RSBN1: variants seen among roughly 807,000 people sequenced by gnomAD.
RSBN1 encodes the protein lysine-specific demethylase 9.
RSBN1 carries 23 observed loss-of-function variants against 74.8 expected under a neutral mutation model. The ratio of observed to expected loss-of-function variants is 0.31; its 90% CI spans 0.22 to 0.44. The LOEUF is 0.44. Among genes scored for constraint, RSBN1 ranks in the 20% least tolerant of loss-of-function variants. The pLI, the probability that RSBN1 is intolerant of heterozygous loss-of-function variation, is 1.00. For synonymous variants in RSBN1, 407 were observed against 379.6 expected, an observed-to-expected ratio of 1.07 and a Z score of -0.84; for missense variants, 808 against 1,020.9, an observed-to-expected ratio of 0.79 and a Z score of 2.84.
At chr1:113,780,919 T>C (rs1355304442) in intron 2 of RSBN1, among the ~76,000 whole-genome samples, 1 of 152,230 alleles carries the variant, frequency 6.6e-6, no homozygotes, top group Non-Finnish European at 1.5e-5. Flanking sequence ...TTTACTTACA[T>C]GAAATTAGAC....
intron 6 of RSBN1, 48 bp downstream of exon 6, chr1:113,767,050 AG>A: frequency 1.9e-6 from 2 of 1,041,630 alleles, no homozygotes; most frequent in Non-Finnish European, 2.9e-6. Flanking sequence ...AAATGGGTAT[AG>A]ATATTTACTT....
At chr1:113,798,237 T>A (rs1309629853) in intron 1 of RSBN1, among the ~76,000 whole-genome samples, 1 of 152,094 alleles carries the variant, frequency 6.6e-6, no homozygotes, top group Non-Finnish European at 1.5e-5. Flanking sequence ...AAATTGAAGG[T>A]ATCCATTTTT....
chr1:113,810,406 C>T (rs1217838708), intron 1 of RSBN1, among the ~76,000 whole-genome samples: 2 of 151,832 alleles, frequency 1.3e-5, no homozygotes, highest in African/African-American at 4.8e-5. Flanking sequence ...CACACACACA[C>T]ACACACACAA....
rs372434083 is a variant in RSBN1 at position 113,762,634 on chromosome 1, G to A, written c.*3346C>T. ...TGGCAAATACAGATGAAAATATAAT[G>A]GGCTAATTTATTAATGATTAAGAAT... is the stretch of plus-strand genomic sequence containing the variant. On this transcript the variant is annotated 3_prime_UTR_variant, in exon 7 of 7. Coordinates refer to ENST00000261441, the MANE Select transcript of RSBN1 (RefSeq NM_018364.5). 6.5e-6 allele frequency: 1 copy of A among 152,758 alleles called. No homozygotes were observed. Among genetic ancestry groups the A allele is most frequent in the East Asian group, 1.9e-4 (1 of 5,326 alleles). 9.5% of individuals were successfully genotyped at this position (152,758 alleles called of 1,614,324 possible).
intron 2 of RSBN1, chr1:113,796,350 A>C (rs1660472094): frequency 6.6e-6 from 1 of 152,128 alleles, no homozygotes; most frequent in Non-Finnish European, 1.5e-5. Context: ...TCATAAATCT[A>C]AACTGGATAC....
At chr1:113,801,777 G>A (rs185531493) in intron 1 of RSBN1, among the ~76,000 whole-genome samples, 53 of 152,238 alleles carry the variant, frequency 3.5e-4, no homozygotes, top group Non-Finnish European at 5.9e-4. Flanking sequence ...TTCTACAGAG[G>A]AAGATACATT....
In RSBN1 at chr1:113,797,584, T is replaced by C. The variant is rs145853951; in HGVS notation, c.1156A>G (p.Met386Val). ...TCCTCAGAAAATCTCTCCATCTCCA[T>C]TGGAGACAAAAATGAGAGTTCATCC... ...YMDELSFLSP[M>V]EMERFSEEFL... Residue 386 changes from methionine (M) to valine (V), a missense_variant, in exon 2 of 7, where the codon ATG becomes GTG. By Grantham distance (21) the Met-to-Val change is conservative. Around this residue, in one of 6 missense-constraint regions of RSBN1, gnomAD observed 85 missense variants for 126.2 expected, o/e 0.67. Transcript: ENST00000261441. 36 of 1,612,434 alleles carry C rather than the reference T, an allele frequency of 2.2e-5. No homozygotes were observed. The highest frequency in any genetic ancestry group is 1.2e-4 in the African/African-American group (9 of 74,872).
intron 6 of RSBN1, 78 bp from the exon 7 acceptor site, chr1:113,766,531 C>A: frequency 1.1e-6 from 1 of 887,152 alleles, no homozygotes; most frequent in Admixed American, 2.3e-5. Flanking sequence ...CAAAGGAAAA[C>A]AGTAGAAACA....
chr1:113,795,749 G>C (rs1220448038), intron 2 of RSBN1, among the ~76,000 whole-genome samples: 1 of 152,118 alleles, frequency 6.6e-6, no homozygotes, highest in Non-Finnish European at 1.5e-5. Flanking sequence ...ATTAATTGGA[G>C]GACAAAAATC....
chr1:113,795,805 T>C (rs1406508063), intron 2 of RSBN1, among the ~76,000 whole-genome samples: 1 of 152,338 alleles, frequency 6.6e-6, no homozygotes, highest in South Asian at 2.1e-4. Flanking sequence ...CTATTTAGAC[T>C]GGATACTGTC....
At chr1:113,783,292 A>T (rs2636008) in intron 2 of RSBN1, among the ~76,000 whole-genome samples, 1 of 151,388 alleles carries the variant, frequency 6.6e-6, no homozygotes, top group Non-Finnish European at 1.5e-5. Flanking sequence ...AAAGGGGTGG[A>T]GGGGGAGAAG....
chr1:113,798,395 AC>A (rs1325305574), intron 1 of RSBN1, among the ~76,000 whole-genome samples: 1 of 152,198 alleles, frequency 6.6e-6, no homozygotes, highest in Admixed American at 6.6e-5. Flanking sequence ...CTATGTAACA[AC>A]ATAGATTCTT....
chr1:113,808,745 A>C (rs552308595), intron 1 of RSBN1, among the ~76,000 whole-genome samples: 1 of 152,210 alleles, frequency 6.6e-6, no homozygotes, highest in East Asian at 1.9e-4. Context: ...AACTTATATA[A>C]TAGTCTCAAA....
chr1:113,768,126 C>A, intron 5 of RSBN1, 96 bp downstream of exon 5: 1 of 1,071,694 alleles, frequency 9.3e-7, no homozygotes, highest in Non-Finnish European at 1.3e-6. Context: ...GTGTATTTTA[C>A]CACAATTTAA....
At chr1:113,803,886 A>G (rs923710644) in intron 1 of RSBN1, among the ~76,000 whole-genome samples, 1 of 150,772 alleles carries the variant, frequency 6.6e-6, no homozygotes, top group Non-Finnish European at 1.5e-5. Flanking sequence ...GAAGACTGCT[A>G]GAGTCCAGGA....
At chr1:113,808,936 T>C (rs553919538) in intron 1 of RSBN1, among the ~76,000 whole-genome samples, 1 of 152,258 alleles carries the variant, frequency 6.6e-6, no homozygotes, top group East Asian at 1.9e-4. Context: ...CCAATGTCAA[T>C]TTCCTGGTGT....
chr1:113,773,928 G>A (rs1282501642), intron 4 of RSBN1, among the ~76,000 whole-genome samples: 3 of 152,010 alleles, frequency 2.0e-5, no homozygotes, highest in Admixed American at 6.6e-5. Flanking sequence ...ATTTGAATCC[G>A]GGAGGCGGAG....
At chr1:113,767,721 C>G (rs777801984) in intron 5 of RSBN1, among the ~76,000 whole-genome samples, 18 of 152,132 alleles carry the variant, frequency 1.2e-4, no homozygotes, top group Non-Finnish European at 1.9e-4. Context: ...AGAAGCAACC[C>G]AAGTGTCCAC....
chr1:113,798,026 A>G lies in RSBN1; in HGVS notation c.714T>C (p.Asp238=). Residue 238 remains aspartate (D), a synonymous_variant, in exon 2 of 7, where the codon GAT becomes GAC. Transcript: ENST00000261441. ...LIKAPKRETP[D]ENGKTQRADD... Reference sequence around the variant, plus strand: ...CGGCTCTCTGGGTTTTACCATTTTCATCTGGTGTTTCTGGCCACAATAATT... The same window carrying G: ...CGGCTCTCTGGGTTTTACCATTTTCGTCTGGTGTTTCTGGCCACAATAATT... 1 of 1,600,412 alleles carries G rather than the reference A, an allele frequency of 6.2e-7. No homozygotes were observed. The highest frequency in any genetic ancestry group is 8.5e-7 in the Non-Finnish European group (1 of 1,175,818).
Sources: allele counts gnomAD v4.1 joint callset (sites outside exome capture counted in the v4.1 genomes callset), GRCh38; gene constraint gnomAD v4.1.1; regional missense constraint gnomAD v4.1.1; transcripts MANE v1.5; gene names NCBI Gene and HGNC (gene_info 2026-07-23, HGNC 2026-07-21).